The following UTRN variants were observed in gnomAD, a reference collection of about 807,000 sequenced individuals.
UTRN encodes dystrophin-related protein 1.
A neutral mutation model predicts 463.9 loss-of-function variants in UTRN; 283 were observed. That is an observed-to-expected ratio of 0.61 (90% confidence interval 0.55 to 0.67). The LOEUF (loss-of-function observed/expected upper bound fraction) is 0.67, where lower values mean the gene tolerates loss of function less well. UTRN is among the 30% of genes least tolerant of loss of function. The pLI, the probability that UTRN is intolerant of heterozygous loss-of-function variation, is 0.00. For synonymous variants in UTRN, 1,442 were observed against 1,431.5 expected, an observed-to-expected ratio of 1.01 and a Z score of -0.17; for missense variants, 3,922 against 4,084.3, an observed-to-expected ratio of 0.96 and a Z score of 1.08.
intron 51 of UTRN, among the ~76,000 whole-genome samples, chr6:144,675,194 C>T (rs543718101): frequency 2.0e-5 from 3 of 152,274 alleles, no homozygotes; most frequent in Non-Finnish European, 2.9e-5. Flanking sequence ...ATGGGGCTTC[C>T]TGAGAACCAG....
intron 63 of UTRN, among the ~76,000 whole-genome samples, chr6:144,795,091 A>T (rs149025605): frequency 1.2e-3 from 181 of 152,192 alleles, no homozygotes; most frequent in African/African-American, 4.1e-3. Flanking sequence ...CTCATTGTTC[A>T]ACTCTCACTT....
At chr6:144,733,910 T>TA (rs1789059687) in intron 54 of UTRN, among the ~76,000 whole-genome samples, 1 of 152,186 alleles carries the variant, frequency 6.6e-6, no homozygotes, top group Non-Finnish European at 1.5e-5. Flanking sequence ...TTACTTGCCC[T>TA]AAGTTGAGGA....
intron 41 of UTRN, among the ~76,000 whole-genome samples, chr6:144,529,559 C>G (rs866634636): frequency 6.6e-6 from 1 of 152,028 alleles, no homozygotes; most frequent in Admixed American, 6.5e-5. Context: ...CTTATAGCAT[C>G]TCGAATTTGG....
chr6:144,567,875 A>G (rs941869778), intron 50 of UTRN, among the ~76,000 whole-genome samples: 23 of 152,200 alleles, frequency 1.5e-4, no homozygotes, highest in Admixed American at 4.6e-4. Context: ...ATTCATGTTC[A>G]AATACTCTTT....
At chr6:144,737,438 G>A (rs1295420556) in intron 54 of UTRN, among the ~76,000 whole-genome samples, 2 of 152,088 alleles carry the variant, frequency 1.3e-5, no homozygotes, top group Non-Finnish European at 2.9e-5. Flanking sequence ...GTAGTCTTTG[G>A]GACTTTCAAC....
chr6:144,702,628 G>C (rs979237381), intron 53 of UTRN, among the ~76,000 whole-genome samples: 2 of 152,198 alleles, frequency 1.3e-5, no homozygotes, highest in African/African-American at 4.8e-5. Context: ...TTTATATGGA[G>C]AAGGTCAGGA....
intron 51 of UTRN, among the ~76,000 whole-genome samples, chr6:144,676,791 T>A (rs1781647475): frequency 6.6e-6 from 1 of 152,194 alleles, no homozygotes; most frequent in Non-Finnish European, 1.5e-5. Flanking sequence ...TAGAAATAAA[T>A]TTTATAAGAC....
intron 25 of UTRN, among the ~76,000 whole-genome samples, chr6:144,477,736 C>A (rs1311634734): frequency 4.6e-5 from 7 of 152,122 alleles, no homozygotes; most frequent in African/African-American, 1.7e-4. Flanking sequence ...CTTATCCTAG[C>A]TAAATTCAAA....
rs1197844669 is a variant in UTRN at position 144,548,800 on chromosome 6, C to T, written c.6756C>T (p.Asn2252=). Residue 2252 remains asparagine, a synonymous_variant, in exon 47 of 75, where the codon AAC becomes AAT. Coordinates refer to ENST00000367545, the MANE Select transcript of UTRN (RefSeq NM_007124.3). ...LVLIDQMLKS[N]IVTVGDVEEI... ...TAATCGACCAGATGCTGAAGTCCAACATTGTCACTGTTGGGGATGTAGAAG... is the reference window on the plus strand; with the variant it reads ...TAATCGACCAGATGCTGAAGTCCAATATTGTCACTGTTGGGGATGTAGAAG... The T allele has an allele frequency of 1.9e-6, 3 of 1,614,042 alleles. No homozygotes were observed. Among genetic ancestry groups the T allele is most frequent in the African/African-American group, 1.3e-5 (1 of 75,048 alleles).
At chr6:144,719,642 G>A (rs186706622) in intron 53 of UTRN, among the ~76,000 whole-genome samples, 58 of 152,278 alleles carry the variant, frequency 3.8e-4, no homozygotes, top group Non-Finnish European at 8.2e-4. Context: ...ACCATGAGGA[G>A]GAAATAGCTT....
At chr6:144,736,847 G>A (rs1475577493) in intron 54 of UTRN, among the ~76,000 whole-genome samples, 1 of 152,188 alleles carries the variant, frequency 6.6e-6, no homozygotes, top group Admixed American at 6.5e-5. Context: ...TCTGCAGGTA[G>A]TGGTCTTCCT....
rs536311983 is a variant in UTRN at position 144,496,395 on chromosome 6, A to G, written c.4594-2862A>G. The stretch of plus-strand genomic sequence containing the variant: ...TTGTTGATGTGATACATTTTGATGT[A>G]TTACATGTCTGGAACACACACCTTA... On this transcript the variant is annotated intron_variant, in intron 33 of 74. Transcript: ENST00000367545. 3.9e-5 allele frequency among the ~76,000 whole-genome samples: 6 copies of G among 152,320 alleles called. No homozygotes were observed. The South Asian group carries it at 1.2e-3, about 32-fold the overall frequency.
At chr6:144,539,655 G>T (rs922581999) in intron 45 of UTRN, among the ~76,000 whole-genome samples, 73 of 152,210 alleles carry the variant, frequency 4.8e-4, no homozygotes, top group Non-Finnish European at 1.6e-4. Flanking sequence ...TGGCCTAGGG[G>T]ATTTATACAT....
chr6:144,652,326 C>G (rs1778902386), intron 51 of UTRN, among the ~76,000 whole-genome samples: 1 of 152,176 alleles, frequency 6.6e-6, no homozygotes, highest in African/African-American at 2.4e-5. Flanking sequence ...GGGAATAAGA[C>G]TTAATCACTA....
At chr6:144,492,432 C>G (rs892016595) in intron 32 of UTRN, among the ~76,000 whole-genome samples, 1 of 152,094 alleles carries the variant, frequency 6.6e-6, no homozygotes, top group Non-Finnish European at 1.5e-5. Flanking sequence ...TGATGGGCAC[C>G]TAGATTGATG....
At chr6:144,577,414 T>A in intron 51 of UTRN, 126 bp downstream of exon 51, 1 of 968,840 alleles carries the variant, frequency 1.0e-6, no homozygotes, top group Non-Finnish European at 1.5e-6. Flanking sequence ...ATCCGTGCTC[T>A]CCTGTGAATA....
chr6:144,830,945 A>G (rs1417013392), intron 69 of UTRN, among the ~76,000 whole-genome samples: 1 of 152,198 alleles, frequency 6.6e-6, no homozygotes, highest in East Asian at 1.9e-4. Context: ...ATGATCAAAA[A>G]GTATTTAAAT....
At chr6:144,447,484 T>G in intron 15 of UTRN, 118 bp from the exon 16 acceptor site, 1 of 1,340,104 alleles carries the variant, frequency 7.5e-7, no homozygotes, top group South Asian at 1.4e-5. Flanking sequence ...TTTAGCATAG[T>G]GAACTGCAAA....
At chr6:144,637,869 T>A (rs954670634) in intron 51 of UTRN, among the ~76,000 whole-genome samples, 7 of 152,140 alleles carry the variant, frequency 4.6e-5, no homozygotes, top group African/African-American at 1.7e-4. Flanking sequence ...TTCTTCTTTT[T>A]CTGAATTTTT....
Sources: allele counts gnomAD v4.1 joint callset (sites outside exome capture counted in the v4.1 genomes callset), GRCh38; gene constraint gnomAD v4.1.1; transcripts MANE v1.5; gene names NCBI Gene and HGNC (gene_info 2026-07-23, HGNC 2026-07-21).